The following PLAA variants were observed in gnomAD, a reference collection of about 807,000 sequenced individuals.
PLAA encodes the protein phospholipase A-2-activating protein.
A neutral mutation model predicts 84.1 loss-of-function variants in PLAA; 48 were observed. The ratio of observed to expected loss-of-function variants is 0.57; its 90% CI spans 0.45 to 0.73. PLAA has a LOEUF of 0.73. Ranked by LOEUF, PLAA falls within the 30% of genes least tolerant of loss-of-function variation. The pLI is 0.00. For synonymous variants in PLAA, 392 were observed against 336.6 expected, an observed-to-expected ratio of 1.16 and a Z score of -1.80; for missense variants, 903 against 954.7, an observed-to-expected ratio of 0.95 and a Z score of 0.71.
intron 7 of PLAA, among the ~76,000 whole-genome samples, chr9:26,921,693 T>C (rs1463548823): frequency 6.6e-6 from 1 of 152,236 alleles, no homozygotes; most frequent in Non-Finnish European, 1.5e-5. Flanking sequence ...CTGGTCTATC[T>C]TGTACTTTGA....
Position 26,905,942 on chromosome 9 carries a change from G to T in PLAA, c.1957C>A (p.Pro653Thr). ...CTGAGAGCAAGCAGCTGGTTTGCTG[G>T]CTTTCCTTTAGGGTTCAGAAGATTG... The part of the protein sequence containing the change: ...LINLLNPKGK[P>T]ANQLLALRTF... Residue 653 changes from proline to threonine, a missense_variant, in exon 14 of 14, where the codon CCA becomes ACA. Pro to Thr is a conservative substitution (Grantham distance 38, BLOSUM62 -1). Transcript: ENST00000397292. 1 of 1,614,128 alleles carries T rather than the reference G, an allele frequency of 6.2e-7. No individual in the cohort carries two copies. Among genetic ancestry groups the T allele is most frequent in the African/African-American group, 1.3e-5 (1 of 75,012 alleles).
At chr9:26,915,833 T>C (rs911315984) in intron 10 of PLAA, 4 of 985,316 alleles carry the variant, frequency 4.1e-6, no homozygotes, top group African/African-American at 1.7e-5. Context: ...AAGCTTGATA[T>C]GTTCTTTCTG....
chr9:26,931,953 G>C (rs1738876551), intron 2 of PLAA, among the ~76,000 whole-genome samples: 1 of 152,160 alleles, frequency 6.6e-6, no homozygotes, highest in Admixed American at 6.5e-5. Flanking sequence ...TGGGCGTGGT[G>C]GTGGGCACCT....
chr9:26,942,804 G>A (rs148659367), intron 1 of PLAA, among the ~76,000 whole-genome samples: 263 of 151,522 alleles, frequency 1.7e-3, no homozygotes, highest in African/African-American at 5.8e-3. Flanking sequence ...GCGTCAACCC[G>A]GGAGGCGGGG....
chr9:26,915,020 C>T (rs955773020), intron 10 of PLAA, among the ~76,000 whole-genome samples: 3 of 152,148 alleles, frequency 2.0e-5, no homozygotes, highest in Admixed American at 6.5e-5. Flanking sequence ...CGAGACCAGC[C>T]TGACCAACAT....
rs1824551671 is a variant in PLAA, at chr9:26,916,195, TAGAG to T, written c.1486+898_1486+901del. The T allele has an allele frequency of 6.1e-6, 6 of 985,276 alleles. No homozygotes were observed. The South Asian group carries it at 2.8e-4, about 46-fold the overall frequency. The allele number at this position is 985,276 out of a possible 1,614,324, so 61.0% of individuals were successfully genotyped here. A position where few individuals can be genotyped will look rare whatever the true frequency, so the allele number is the denominator to read the frequency against. ...GTATGTTTGTCCAATCTCTATGACT[TAGAG>T]AGGACTGTAGGTTGTCATTTTTATA... is the stretch of plus-strand genomic sequence containing the variant. On this transcript the variant is annotated intron_variant, in intron 10 of 13. Transcript: ENST00000397292.
intron 2 of PLAA, among the ~76,000 whole-genome samples, chr9:26,933,632 CA>C (rs1324245648): frequency 6.6e-6 from 1 of 150,490 alleles, no homozygotes; most frequent in African/African-American, 2.4e-5. Flanking sequence ...ACTAAAAATA[CA>C]AAAAAATTAG....
rs1825633546 is a variant in PLAA at position 26,944,646 on chromosome 9, G to C, written c.149+2251C>G. Among the ~76,000 whole-genome samples the C allele has an allele frequency of 3.3e-5, 5 of 152,162 alleles. No homozygotes were observed. In the South Asian group the frequency reaches 1.0e-3, roughly 32 times the overall value. On this transcript the variant is annotated intron_variant, in intron 1 of 13. Transcript: ENST00000397292. ...TGTTTTAAGAAAGTTTATGAAATTT[G>C]TGTTGGGCCACTCTTACAGCCACCC...
intron 11 of PLAA, 52 bp downstream of exon 11, chr9:26,913,827 C>G: frequency 7.7e-7 from 1 of 1,298,106 alleles, no homozygotes; most frequent in East Asian, 2.4e-5. Flanking sequence ...TATTAAAGTT[C>G]CAACGAATTT....
At chr9:26,912,202 A>G (rs561203883) in intron 11 of PLAA, among the ~76,000 whole-genome samples, 89 of 152,048 alleles carry the variant, frequency 5.9e-4, no homozygotes, top group African/African-American at 2.0e-3. Context: ...AAGAAAAGGG[A>G]GAAAAACAGC....
intron 10 of PLAA, chr9:26,916,402 T>C: frequency 2.0e-6 from 2 of 986,998 alleles, no homozygotes; most frequent in African/African-American, 1.7e-5. Context: ...CTCTGGCACT[T>C]TTTCCAGTAG....
chr9:26,918,289 T>C (rs1370261951), intron 9 of PLAA, among the ~76,000 whole-genome samples: 3 of 85,898 alleles, frequency 3.5e-5, no homozygotes, highest in Non-Finnish European at 6.8e-5. Context: ...ATTTTTTGTA[T>C]TTTTTTTTTT....
chr9:26,905,690 G>C lies in PLAA; in HGVS notation c.2209C>G (p.Gln737Glu). Residue 737 changes from glutamine to glutamate, a missense_variant, in exon 14 of 14, where the codon CAA becomes GAA. Transcript: ENST00000397292. ...SLISTILEVV[Q>E]DLEATFRLLV... ...AGTCTAAAAGTGGCTTCTAGGTCTT[G>C]TACTACTTCCAAGATTGTGCTAATT... is the stretch of plus-strand genomic sequence containing the variant. 6.2e-7 allele frequency: 1 copy of C among 1,614,198 alleles called. No individual in the cohort carries two copies. The highest frequency in any genetic ancestry group is 1.3e-5 in the African/African-American group (1 of 75,066).
At chr9:26,914,630 T>C (rs1287999072) in intron 10 of PLAA, among the ~76,000 whole-genome samples, 1 of 149,648 alleles carries the variant, frequency 6.7e-6, no homozygotes, top group Non-Finnish European at 1.5e-5. Context: ...ACAGAATAAA[T>C]GGATTTGTTG....
chr9:26,940,260 G>A (rs996128960), intron 1 of PLAA, among the ~76,000 whole-genome samples: 3 of 152,178 alleles, frequency 2.0e-5, no homozygotes, highest in African/African-American at 7.2e-5. Flanking sequence ...CAACCTAAGT[G>A]TCCATCAATG....
At chr9:26,913,370 CAGA>C (rs1554658319) in intron 11 of PLAA, among the ~76,000 whole-genome samples, 1 of 152,012 alleles carries the variant, frequency 6.6e-6, no homozygotes, top group Non-Finnish European at 1.5e-5. Context: ...ATTAGTTGCT[CAGA>C]AGAACTATAG....
chr9:26,945,994 G>A (rs1342756280), intron 1 of PLAA, among the ~76,000 whole-genome samples: 1 of 152,130 alleles, frequency 6.6e-6, no homozygotes, highest in Non-Finnish European at 1.5e-5. Flanking sequence ...CTGTAAGAAA[G>A]CTCCAGAAAC....
chr9:26,915,827 T>C, intron 10 of PLAA: 10 of 985,436 alleles, frequency 1.0e-5, no homozygotes, highest in Non-Finnish European at 1.2e-5. Context: ...TAGTTGAAGC[T>C]TGATATGTTC....
At chr9:26,933,706 G>A (rs1005983515) in intron 2 of PLAA, among the ~76,000 whole-genome samples, 20 of 148,382 alleles carry the variant, frequency 1.3e-4, no homozygotes, top group East Asian at 2.0e-4. Flanking sequence ...GGAGAATGGC[G>A]TGAGCCCGGG....
Sources: allele counts gnomAD v4.1 joint callset (sites outside exome capture counted in the v4.1 genomes callset), GRCh38; gene constraint gnomAD v4.1.1; transcripts MANE v1.5; gene names NCBI Gene and HGNC (gene_info 2026-07-23, HGNC 2026-07-21).